CACNA1D: variants seen among roughly 807,000 people sequenced by gnomAD.
CACNA1D encodes calcium voltage-gated channel subunit alpha1 D, also known as voltage-dependent L-type calcium channel subunit alpha-1D.
A neutral mutation model predicts 257.1 loss-of-function variants in CACNA1D; 55 were observed. That is an observed-to-expected ratio of 0.21 (90% CI 0.17 to 0.27). CACNA1D has a LOEUF of 0.27. CACNA1D is among the 10% of genes least tolerant of loss of function. The pLI, the probability that CACNA1D is intolerant of heterozygous loss-of-function variation, is 1.00. For missense variants in CACNA1D, 1,876 were observed against 2,784.0 expected (o/e 0.67, Z 7.34); for synonymous variants, 980 against 1,014.9 (o/e 0.97, Z 0.65).
At chr3:53,777,370 C>T (rs1275538312) in intron 37 of CACNA1D, among the ~76,000 whole-genome samples, 1 of 152,122 alleles carries the variant, frequency 6.6e-6, no homozygotes, top group Non-Finnish European at 1.5e-5. Flanking sequence ...CCTTCTCTGT[C>T]CTGCTGAGGT....
At chr3:53,776,571 T>C (rs567685356) in intron 35 of CACNA1D, 32 bp from the exon 36 acceptor site, 3 of 1,613,996 alleles carry the variant, frequency 1.9e-6, no homozygotes, top group African/African-American at 2.7e-5. Flanking sequence ...CAGCTGCAGC[T>C]GAAGTTCTTC....
chr3:53,620,209 G>A (rs562047271), intron 3 of CACNA1D, among the ~76,000 whole-genome samples: 7 of 152,222 alleles, frequency 4.6e-5, no homozygotes, highest in Admixed American at 3.9e-4. Context: ...TGTATGGAGG[G>A]GCCTGGAGGT....
intron 11 of CACNA1D, among the ~76,000 whole-genome samples, chr3:53,721,819 A>G (rs1400894113): frequency 6.6e-6 from 1 of 152,278 alleles, no homozygotes; most frequent in East Asian, 1.9e-4. Context: ...AAAAAAAAAA[A>G]ACTAGCTTTG....
chr3:53,496,660 G>A (rs564177861), intron 1 of CACNA1D, among the ~76,000 whole-genome samples: 2 of 152,240 alleles, frequency 1.3e-5, no homozygotes, highest in East Asian at 1.9e-4. Context: ...TGTGGCTGTG[G>A]AAAGATGTTG....
intron 3 of CACNA1D, among the ~76,000 whole-genome samples, chr3:53,509,365 T>C (rs2091010164): frequency 6.6e-6 from 1 of 152,056 alleles, no homozygotes; most frequent in African/African-American, 2.4e-5. Context: ...AGGTGGGCAT[T>C]GTTGACACAG....
intron 40 of CACNA1D, among the ~76,000 whole-genome samples, chr3:53,787,345 TG>T (rs2095459537): frequency 6.6e-6 from 1 of 152,194 alleles, no homozygotes; most frequent in Admixed American, 6.5e-5. Flanking sequence ...TGCTTTGTTT[TG>T]TTTCCGTTTG....
chr3:53,669,185 T>C (rs2108385519), intron 7 of CACNA1D, among the ~76,000 whole-genome samples: 1 of 152,380 alleles, frequency 6.6e-6, no homozygotes, highest in South Asian at 2.1e-4. Context: ...TAGCTCATCA[T>C]AGAGATAGGC....
chr3:53,714,269 G>T (rs906114660), intron 9 of CACNA1D, among the ~76,000 whole-genome samples: 16 of 152,156 alleles, frequency 1.1e-4, no homozygotes, highest in Non-Finnish European at 2.1e-4. Context: ...GAGGTCTGAG[G>T]GGTCTGCCTG....
rs887736121 is a variant in CACNA1D, at chr3:53,774,491, G to A, written c.4111-96G>A. The A allele has an allele frequency of 6.4e-6, 5 of 784,112 alleles. No homozygotes were observed. The African/African-American group carries it at 8.4e-5, about 13-fold the overall frequency. 48.6% of individuals were successfully genotyped at this position (784,112 alleles called of 1,614,324 possible). The stretch of plus-strand genomic sequence containing the variant: ...CAGGTACCATGAGAAAACCCTAGCT[G>A]GTAAAGATCAAACCTGAGTTAGTTC... On this transcript the variant is annotated intron_variant, in intron 33 of 47. Transcript: ENST00000350061. This position sits in a 1 kb window ranked among gnomAD's most constrained non-coding sequence, Gnocchi z 4.3.
At chr3:53,644,748 C>T (rs1313999795) in intron 3 of CACNA1D, among the ~76,000 whole-genome samples, 2 of 152,298 alleles carry the variant, frequency 1.3e-5, no homozygotes, top group Non-Finnish European at 2.9e-5. Flanking sequence ...AATTCCATGT[C>T]TTAGCTATTG....
At chr3:53,605,833 A>C (rs1259630682) in intron 3 of CACNA1D, among the ~76,000 whole-genome samples, 1 of 152,210 alleles carries the variant, frequency 6.6e-6, no homozygotes, top group Non-Finnish European at 1.5e-5. Context: ...CTGCAATGCC[A>C]GTGCTCAGAG....
intron 3 of CACNA1D, among the ~76,000 whole-genome samples, chr3:53,605,184 G>A (rs1023117080): frequency 1.3e-5 from 2 of 152,194 alleles, no homozygotes; most frequent in Admixed American, 1.3e-4. Flanking sequence ...GGTGAGAACC[G>A]CGACTGTGGG....
chr3:53,754,522 A>C (rs2095250071), intron 29 of CACNA1D, among the ~76,000 whole-genome samples: 1 of 152,192 alleles, frequency 6.6e-6, no homozygotes, highest in Non-Finnish European at 1.5e-5. Context: ...GTTCCCATAT[A>C]CGCACTGCTT....
chr3:53,608,332 C>G (rs2093539487), intron 3 of CACNA1D, among the ~76,000 whole-genome samples: 1 of 152,064 alleles, frequency 6.6e-6, no homozygotes, highest in Non-Finnish European at 1.5e-5. Flanking sequence ...TGTATATTGA[C>G]TCTGTATCCC....
At chr3:53,608,455 C>T (rs943871324) in intron 3 of CACNA1D, among the ~76,000 whole-genome samples, 1 of 152,118 alleles carries the variant, frequency 6.6e-6, no homozygotes, top group African/African-American at 2.4e-5. Context: ...CCGTTATAAT[C>T]GGTAAGCCTT....
At chr3:53,781,271 A>C (rs979417232) in intron 38 of CACNA1D, among the ~76,000 whole-genome samples, 5 of 152,180 alleles carry the variant, frequency 3.3e-5, no homozygotes, top group Non-Finnish European at 5.9e-5. Flanking sequence ...GAAAGCAAGT[A>C]GTAGGTCTCA....
intron 3 of CACNA1D, among the ~76,000 whole-genome samples, chr3:53,616,586 G>T (rs2093639621): frequency 6.6e-6 from 1 of 152,142 alleles, no homozygotes; most frequent in Non-Finnish European, 1.5e-5. Context: ...CTAATGCTGT[G>T]CTTGCCTGTT....
intron 3 of CACNA1D, among the ~76,000 whole-genome samples, chr3:53,573,805 A>T (rs2092989801): frequency 6.6e-6 from 1 of 152,232 alleles, no homozygotes; most frequent in Non-Finnish European, 1.5e-5. Context: ...TCACTGGCAC[A>T]TAGTGGGCTC....
chr3:53,637,577 C>A (rs567251340), intron 3 of CACNA1D, among the ~76,000 whole-genome samples: 1 of 152,144 alleles, frequency 6.6e-6, no homozygotes, highest in African/African-American at 2.4e-5. Flanking sequence ...ACCAGGTTCC[C>A]TGGGAGTGGA....
Sources: gnomAD v4.1 joint callset for allele counts (sites outside exome capture counted in the v4.1 genomes callset) on GRCh38, gnomAD v4.1.1 for gene constraint, Gnocchi (gnomAD v3.1) non-coding constraint, MANE v1.5 for transcripts, NCBI Gene and HGNC (gene_info 2026-07-23, HGNC 2026-07-21) for gene names.